Variants in CATSPERB observed in about 807,000 individuals in gnomAD.
CATSPERB encodes the protein catsper channel auxiliary subunit beta, also known as cation channel sperm-associated auxiliary subunit beta.
CATSPERB carries 93 observed loss-of-function variants against 128.3 expected under a neutral mutation model. The ratio of observed to expected loss-of-function variants is 0.72; its 90% confidence interval spans 0.61 to 0.86. The LOEUF (loss-of-function observed/expected upper bound fraction) is 0.86, where lower values mean the gene tolerates loss of function less well. Among genes scored for constraint, CATSPERB ranks in the 40% least tolerant of loss-of-function variants. The probability of loss-of-function intolerance (pLI) is 0.00; values close to 1 mark genes in which losing one functional copy is unlikely to be tolerated. For synonymous variants in CATSPERB, 381 were observed against 448.8 expected, an observed-to-expected ratio of 0.85 and a Z score of 1.91; for missense variants, 1,153 against 1,329.5, an observed-to-expected ratio of 0.87 and a Z score of 2.06.
chr14:91,619,366 G>C (rs1439661245), intron 19 of CATSPERB, among the ~76,000 whole-genome samples: 3 of 151,996 alleles, frequency 2.0e-5, no homozygotes, highest in African/African-American at 7.2e-5. Flanking sequence ...ATTACTTGAA[G>C]GAAATAGGGA....
At chr14:91,703,682 G>T (rs143535959) in intron 7 of CATSPERB, among the ~76,000 whole-genome samples, 8 of 152,258 alleles carry the variant, frequency 5.3e-5, no homozygotes, top group Admixed American at 5.2e-4. Flanking sequence ...ACATACCAGG[G>T]GTGTGGCGTG....
At chr14:91,594,444 T>A (rs1359085263) in intron 22 of CATSPERB, among the ~76,000 whole-genome samples, 2 of 151,718 alleles carry the variant, frequency 1.3e-5, no homozygotes, top group Admixed American at 1.3e-4. Context: ...AACCTGCACG[T>A]TGTGCACATG....
At chr14:91,638,495 A>C (rs1595158621) in intron 16 of CATSPERB, among the ~76,000 whole-genome samples, 5 of 151,596 alleles carry the variant, frequency 3.3e-5, no homozygotes, top group Admixed American at 3.3e-4. Flanking sequence ...ATCGCAGTTC[A>C]CTTCAGCCTC....
chr14:91,712,315 C>T (rs1895853574), intron 5 of CATSPERB, among the ~76,000 whole-genome samples: 1 of 151,910 alleles, frequency 6.6e-6, no homozygotes, highest in Non-Finnish European at 1.5e-5. Context: ...AAAAGCATCA[C>T]CAAACTTCTA....
chr14:91,676,942 C>T lies in CATSPERB; in HGVS notation c.932-2720G>A, dbSNP rs778001346. ...CACACATCTACAACCATCTCATCTT[C>T]GAAAAACCTGAGAAAAACAAGCAAT... On this transcript the variant is annotated intron_variant, in intron 11 of 26. Coordinates refer to ENST00000256343, the MANE Select transcript of CATSPERB (RefSeq NM_024764.4). Among the ~76,000 whole-genome samples, 6 of 152,028 alleles carry T rather than the reference C, an allele frequency of 3.9e-5. 1 individual carries two copies. Among genetic ancestry groups the T allele is most frequent in the South Asian group, 4.2e-4 (2 of 4,818 alleles).
chr14:91,603,380 A>C (rs1396414266), intron 22 of CATSPERB: 2 of 1,609,750 alleles, frequency 1.2e-6, no homozygotes, highest in African/African-American at 2.7e-5. Flanking sequence ...TAAATCCAAC[A>C]GCCTCAATAT....
chr14:91,586,571 A>AGAGAGAGAGAGAAAGAGAGAG (rs374162982), intron 26 of CATSPERB, among the ~76,000 whole-genome samples: 14 of 114,244 alleles, frequency 1.2e-4, no homozygotes, highest in Admixed American at 6.1e-4. Context: ...GAGAGAGAGA[A>AGAGAGAGAGAGAAAGAGAGAG]AGAGAGAGAG....
chr14:91,698,733 A>G (rs919090299), intron 7 of CATSPERB, among the ~76,000 whole-genome samples: 4 of 152,352 alleles, frequency 2.6e-5, no homozygotes, highest in Admixed American at 2.6e-4. Context: ...CTTTTGGGGT[A>G]CAAGTAGTTT....
chr14:91,678,091 A>AG (rs1018204619), intron 11 of CATSPERB, among the ~76,000 whole-genome samples: 3 of 152,088 alleles, frequency 2.0e-5, no homozygotes, highest in Non-Finnish European at 2.9e-5. Flanking sequence ...GTGGGGGGCA[A>AG]GGGGGGAGAG....
intron 3 of CATSPERB, 34 bp from the exon 4 acceptor site, chr14:91,723,223 T>C: frequency 2.1e-6 from 3 of 1,425,994 alleles, no homozygotes; most frequent in Non-Finnish European, 2.8e-6. Context: ...AAACAACTAA[T>C]AACCACTTGA....
At chr14:91,714,251 C>G (rs921891353) in intron 5 of CATSPERB, among the ~76,000 whole-genome samples, 1 of 132,122 alleles carries the variant, frequency 7.6e-6, no homozygotes, top group South Asian at 2.4e-4. Context: ...TGGAATCATA[C>G]TAGAGGTCCT....
At chr14:91,637,256 C>A (rs1186226467) in intron 16 of CATSPERB, among the ~76,000 whole-genome samples, 1 of 152,070 alleles carries the variant, frequency 6.6e-6, no homozygotes, top group Non-Finnish European at 1.5e-5. Flanking sequence ...GGTGGTAGAT[C>A]GTGCAGACTG....
At chr14:91,715,564 A>G in intron 5 of CATSPERB, among the ~76,000 whole-genome samples, 1 of 151,586 alleles carries the variant, frequency 6.6e-6, no homozygotes, top group Non-Finnish European at 1.5e-5. Flanking sequence ...AAAAAAAAAA[A>G]AAAAAAAAAA....
chr14:91,701,062 A>AGCT (rs1895638858), intron 7 of CATSPERB, among the ~76,000 whole-genome samples: 1 of 152,210 alleles, frequency 6.6e-6, no homozygotes, highest in Non-Finnish European at 1.5e-5. Flanking sequence ...GAAGCCTTGA[A>AGCT]GCTAGGTACT....
At chr14:91,600,741 T>G (rs144824976) in intron 22 of CATSPERB, among the ~76,000 whole-genome samples, 260 of 152,316 alleles carry the variant, frequency 1.7e-3, no homozygotes, top group African/African-American at 6.1e-3. Context: ...ACAAATAGTA[T>G]ACTTTAACAT....
At chr14:91,683,815 G>T in intron 11 of CATSPERB, 62 bp downstream of exon 11, 2 of 1,003,064 alleles carry the variant, frequency 2.0e-6, no homozygotes, top group Non-Finnish European at 3.0e-6. Context: ...GGCTGAGCTT[G>T]CATTCAGTTA....
intron 14 of CATSPERB, among the ~76,000 whole-genome samples, chr14:91,661,586 G>A (rs1159205482): frequency 6.8e-6 from 1 of 147,084 alleles, no homozygotes; most frequent in East Asian, 2.0e-4. Context: ...AGGCTGCAGT[G>A]CAGTGGCACA....
At position 91,669,821 on chromosome 14, in the gene CATSPERB, C is replaced by T. The variant is rs1895053917; in HGVS notation, c.1280G>A (p.Gly427Asp). ...AGTTCCATGTGTACGCACCTGATTG[C>T]CATAAGCATACAAAAAGTGGCTTCG... ...HPRSHFLYAY[G>D]NQIWLSVDGG... The change falls in exon 14 of 27, where the codon GGC (glycine) becomes GAC (aspartate). Residue 427 changes from glycine (G) to aspartate (D), a missense_variant. By Grantham distance (94) the Gly-to-Asp change is moderately conservative (BLOSUM62 -1). Transcript: ENST00000256343. 1 of 1,612,350 alleles carries T rather than the reference C, an allele frequency of 6.2e-7. No individual in the cohort carries two copies. The highest frequency in any genetic ancestry group is 8.5e-7 in the Non-Finnish European group (1 of 1,179,380).
chr14:91,683,089 G>A (rs755592405), intron 11 of CATSPERB, among the ~76,000 whole-genome samples: 13 of 152,278 alleles, frequency 8.5e-5, no homozygotes, highest in South Asian at 2.1e-4. Context: ...TATATAGCAC[G>A]ATTGGTATTT....
Sources: gnomAD v4.1 joint callset for allele counts (sites outside exome capture counted in the v4.1 genomes callset) on GRCh38, gnomAD v4.1.1 for gene constraint, MANE v1.5 for transcripts, NCBI Gene and HGNC (gene_info 2026-07-23, HGNC 2026-07-21) for gene names.